The following NR1H4 variants were observed in gnomAD, a reference collection of about 807,000 sequenced individuals.
NR1H4 encodes bile acid receptor.
A neutral mutation model predicts 58.5 loss-of-function variants in NR1H4; 23 were observed. The ratio of observed to expected loss-of-function variants is 0.39; its 90% CI spans 0.28 to 0.56. NR1H4 has a LOEUF of 0.56. NR1H4 is among the 20% of genes least tolerant of loss of function. The pLI, the probability that NR1H4 is intolerant of heterozygous loss-of-function variation, is 0.58. For synonymous variants in NR1H4, 214 were observed against 198.0 expected, an observed-to-expected ratio of 1.08 and a Z score of -0.68; for missense variants, 487 against 576.9, an observed-to-expected ratio of 0.84 and a Z score of 1.60.
intron 3 of NR1H4, among the ~76,000 whole-genome samples, chr12:100,496,658 T>C (rs1449027831): frequency 6.6e-6 from 1 of 152,194 alleles, no homozygotes; most frequent in Non-Finnish European, 1.5e-5. Context: ...GTTGTCCACG[T>C]CAGGAAGTGG....
chr12:100,500,212 C>G (rs147685860), intron 3 of NR1H4, among the ~76,000 whole-genome samples: 388 of 152,294 alleles, frequency 2.5e-3, no homozygotes, highest in African/African-American at 9.0e-3. Flanking sequence ...CTGGGAAGGT[C>G]TTTCAATAAG....
At chr12:100,514,312 A>G (rs374283874) in intron 4 of NR1H4, among the ~76,000 whole-genome samples, 1 of 152,322 alleles carries the variant, frequency 6.6e-6, no homozygotes, top group East Asian at 1.9e-4. Flanking sequence ...CATATTTATA[A>G]TATTCTAATC....
intron 3 of NR1H4, among the ~76,000 whole-genome samples, chr12:100,505,174 T>G (rs1381588358): frequency 6.6e-6 from 1 of 152,206 alleles, no homozygotes; most frequent in African/African-American, 2.4e-5. Flanking sequence ...TGGTCAGCAT[T>G]GTGCCAGGAA....
intron 9 of NR1H4, among the ~76,000 whole-genome samples, chr12:100,545,213 G>A (rs1472460811): frequency 6.6e-6 from 1 of 152,062 alleles, no homozygotes; most frequent in East Asian, 1.9e-4. Flanking sequence ...TGACCACTGG[G>A]TTAGTACCAG....
At chr12:100,553,189 G>A (rs1055612893) in intron 9 of NR1H4, among the ~76,000 whole-genome samples, 4 of 152,100 alleles carry the variant, frequency 2.6e-5, no homozygotes, top group Admixed American at 2.0e-4. Flanking sequence ...TAGTAGAGAT[G>A]GGGTTTCACC....
intron 9 of NR1H4, among the ~76,000 whole-genome samples, chr12:100,560,076 T>G (rs889374572): frequency 6.6e-6 from 1 of 152,124 alleles, no homozygotes; most frequent in Non-Finnish European, 1.5e-5. Context: ...ACACTCTGTA[T>G]CTAGCTGCTC....
chr12:100,530,350 T>C (rs943546350), intron 4 of NR1H4, among the ~76,000 whole-genome samples: 6 of 152,196 alleles, frequency 3.9e-5, no homozygotes, highest in African/African-American at 1.2e-4. Context: ...AATAATACTA[T>C]CTTCATCATA....
chr12:100,483,362 A>T (rs1953422141), intron 1 of NR1H4, among the ~76,000 whole-genome samples: 1 of 152,206 alleles, frequency 6.6e-6, no homozygotes, highest in Non-Finnish European at 1.5e-5. Context: ...AAATTTAATT[A>T]AAATGTTAAT....
chr12:100,483,550 T>C (rs1953426129), intron 1 of NR1H4, among the ~76,000 whole-genome samples: 1 of 152,176 alleles, frequency 6.6e-6, no homozygotes, highest in Non-Finnish European at 1.5e-5. Flanking sequence ...TGTCTCTGGA[T>C]TTTCGGAAGT....
intron 9 of NR1H4, among the ~76,000 whole-genome samples, chr12:100,550,835 C>G (rs780518903): frequency 2.6e-5 from 4 of 152,084 alleles, no homozygotes; most frequent in Non-Finnish European, 4.4e-5. Flanking sequence ...AAGAATTTAC[C>G]AGTATGACAA....
chr12:100,508,531 G>A (rs1345633057), intron 3 of NR1H4, among the ~76,000 whole-genome samples: 1 of 151,992 alleles, frequency 6.6e-6, no homozygotes, highest in Admixed American at 6.6e-5. Flanking sequence ...TAGACTCCTA[G>A]AGCTCAAGTC....
chr12:100,553,443 A>G (rs1332345357), intron 9 of NR1H4, among the ~76,000 whole-genome samples: 1 of 152,314 alleles, frequency 6.6e-6, no homozygotes. Flanking sequence ...TCCATAGAGG[A>G]AGCAAAATTT....
intron 3 of NR1H4, among the ~76,000 whole-genome samples, chr12:100,510,217 A>C (rs917143209): frequency 6.6e-6 from 1 of 152,224 alleles, no homozygotes; most frequent in Non-Finnish European, 1.5e-5. Context: ...TATTTCTAAA[A>C]TAAATTTTCA....
At chr12:100,509,858 C>T (rs1954060605) in intron 3 of NR1H4, among the ~76,000 whole-genome samples, 3 of 152,210 alleles carry the variant, frequency 2.0e-5, no homozygotes, top group South Asian at 4.1e-4. Context: ...ACAGTCACCA[C>T]CACCTACTTT....
At chr12:100,481,905 C>T (rs964121526) in intron 1 of NR1H4, among the ~76,000 whole-genome samples, 2 of 151,538 alleles carry the variant, frequency 1.3e-5, no homozygotes, top group Non-Finnish European at 2.9e-5. Context: ...CAGAGCGAGA[C>T]TCCATCTCAA....
intron 3 of NR1H4, among the ~76,000 whole-genome samples, chr12:100,505,275 C>T (rs1213408348): frequency 6.6e-6 from 1 of 152,160 alleles, no homozygotes; most frequent in African/African-American, 2.4e-5. Flanking sequence ...TTATGCAAAC[C>T]TGATTTCCCA....
chr12:100,535,695 C>A (rs143270080), intron 6 of NR1H4, among the ~76,000 whole-genome samples: 1 of 152,166 alleles, frequency 6.6e-6, no homozygotes, highest in Admixed American at 6.5e-5. Context: ...TTTACAAATA[C>A]GTATTTTTGT....
intron 3 of NR1H4, among the ~76,000 whole-genome samples, chr12:100,509,690 A>C (rs1459075878): frequency 1.3e-5 from 2 of 152,254 alleles, no homozygotes; most frequent in African/African-American, 2.4e-5. Context: ...TGAATCCAGT[A>C]GATAGATTGC....
chr12:100,541,718 T>C (rs1954940229), intron 9 of NR1H4, among the ~76,000 whole-genome samples: 1 of 151,950 alleles, frequency 6.6e-6, no homozygotes, highest in South Asian at 2.1e-4. Context: ...TGCTTCAGCT[T>C]CCCAAGTAGC....
Sources: allele counts gnomAD v4.1 joint callset (sites outside exome capture counted in the v4.1 genomes callset), GRCh38; gene constraint gnomAD v4.1.1; transcripts MANE v1.5; gene names NCBI Gene and HGNC (gene_info 2026-07-23, HGNC 2026-07-21).